PXDN: variants seen among roughly 807,000 people sequenced by gnomAD.
The protein encoded by PXDN is peroxidasin.
PXDN carries 77 observed loss-of-function variants against 140.3 expected under a neutral mutation model. The ratio of observed to expected loss-of-function variants is 0.55; its 90% confidence interval spans 0.46 to 0.66. The LOEUF (loss-of-function observed/expected upper bound fraction) is 0.66, where lower values mean the gene tolerates loss of function less well. Among genes scored for constraint, PXDN ranks in the 30% least tolerant of loss-of-function variants. The pLI, the probability that PXDN is intolerant of heterozygous loss-of-function variation, is 0.00. For missense variants in PXDN, 1,838 were observed against 2,039.5 expected (o/e 0.90, Z 1.90); for synonymous variants, 911 against 857.4 (o/e 1.06, Z -1.09).
In PXDN at chr2:1,685,934, G is replaced by C. The variant is rs545920549; in HGVS notation, c.416+1698C>G. ...TCCTGACTGGCCAGGTGTGTTTTCTGACCTGTGTCCACAGCTTCCCAAAGA... is the reference window on the plus strand; with the variant it reads ...TCCTGACTGGCCAGGTGTGTTTTCTCACCTGTGTCCACAGCTTCCCAAAGA... On this transcript the variant is annotated intron_variant, in intron 4 of 22. Coordinates refer to ENST00000252804, the MANE Select transcript of PXDN (RefSeq NM_012293.3). This position sits in a 1 kb window ranked among gnomAD's most constrained non-coding sequence, Gnocchi z 5.1. Among the ~76,000 whole-genome samples, 1 of 152,280 alleles carries C rather than the reference G, an allele frequency of 6.6e-6. No homozygotes were observed. The highest frequency in any genetic ancestry group is 1.9e-4 in the East Asian group (1 of 5,162).
At chr2:1,640,953 C>T in intron 19 of PXDN, among the ~76,000 whole-genome samples, 1 of 152,172 alleles carries the variant, frequency 6.6e-6, no homozygotes, top group East Asian at 1.9e-4. Flanking sequence ...CCGTCTCTTC[C>T]TCACACCCCA....
At chr2:1,658,164 G>A (rs749065246) in intron 14 of PXDN, among the ~76,000 whole-genome samples, 1 of 150,974 alleles carries the variant, frequency 6.6e-6, no homozygotes. Context: ...CGGCCTCTGA[G>A]GCTGCAGCTC....
chr2:1,667,445 C>A lies in PXDN; in HGVS notation c.1019-959G>T, dbSNP rs115508116. ...ATGAACTAGAAAATCTGGAAGAAAG[C>A]GGTAAATTCCTGGACATATACACCC... On this transcript the variant is annotated intron_variant, in intron 9 of 22. Transcript: ENST00000252804. 6.3e-3 allele frequency among the ~76,000 whole-genome samples: 955 copies of A among 152,132 alleles called. 6 individuals carry two copies. Among genetic ancestry groups the A allele is most frequent in the African/African-American group, 0.022 (894 of 41,506 alleles).
chr2:1,648,646 C>T lies in PXDN; in HGVS notation c.3134G>A (p.Arg1045Lys), dbSNP rs757668553. 2.7e-5 allele frequency: 43 copies of T among 1,610,238 alleles called. No homozygotes were observed. The highest frequency in any genetic ancestry group is 3.4e-5 in the Non-Finnish European group (40 of 1,178,650). ...GTAGCCGTGGTACTCTCCCAGCGTC[C>T]TCATGCCCACCTCCCCCAGGATCTT... The part of the protein sequence containing the change: ...LPKILGEVGM[R>K]TLGEYHGYDP... The change falls in exon 17 of 23, where the codon AGG becomes AAG. Residue 1045 changes from arginine (R) to lysine (K), a missense_variant. Physicochemically the swap from Arg to Lys is conservative, Grantham distance 26 (BLOSUM62 2). Coordinates refer to ENST00000252804, the MANE Select transcript of PXDN (RefSeq NM_012293.3). This position sits in a 1 kb window ranked among gnomAD's most constrained non-coding sequence, Gnocchi z 8.9.
intron 3 of PXDN, among the ~76,000 whole-genome samples, chr2:1,690,148 G>A (rs757997392): frequency 1.5e-4 from 23 of 152,292 alleles, no homozygotes; most frequent in African/African-American, 3.1e-4. Flanking sequence ...GCTGAGAAGC[G>A]GAGGCTGCAG....
intron 9 of PXDN, among the ~76,000 whole-genome samples, chr2:1,667,824 C>T (rs904908377): frequency 6.6e-6 from 1 of 152,170 alleles, no homozygotes; most frequent in African/African-American, 2.4e-5. Flanking sequence ...AATGGAAAAA[C>T]ATTCCGTGCT....
chr2:1,698,042 C>G (rs1366382855), intron 1 of PXDN, among the ~76,000 whole-genome samples: 1 of 152,134 alleles, frequency 6.6e-6, no homozygotes, highest in African/African-American at 2.4e-5. Context: ...AAGGCCAAAG[C>G]CCCAGGAGAC....
intron 17 of PXDN, among the ~76,000 whole-genome samples, chr2:1,646,530 A>C (rs967937360): frequency 1.3e-5 from 2 of 152,240 alleles, no homozygotes; most frequent in African/African-American, 4.8e-5. Context: ...CACACTTCCA[A>C]ATGCCAGTAA....
intron 17 of PXDN, among the ~76,000 whole-genome samples, chr2:1,647,284 T>C (rs1682869699): frequency 6.6e-6 from 1 of 152,100 alleles, no homozygotes; most frequent in African/African-American, 2.4e-5. Flanking sequence ...GATGTGAATA[T>C]CTAGCAAAAA....
chr2:1,684,394 T>C (rs1386312496), intron 4 of PXDN, among the ~76,000 whole-genome samples: 1 of 152,194 alleles, frequency 6.6e-6, no homozygotes, highest in African/African-American at 2.4e-5. Flanking sequence ...CTAGAGGTGC[T>C]CACTGAGGTC....
intron 14 of PXDN, among the ~76,000 whole-genome samples, chr2:1,658,099 A>T (rs1454353537): frequency 8.5e-6 from 1 of 118,330 alleles, no homozygotes; most frequent in Admixed American, 1.0e-4. Flanking sequence ...TCTCTGTTAC[A>T]GTGTCTGCGT....
chr2:1,731,293 A>ACGCAGC (rs1558530902), intron 1 of PXDN, among the ~76,000 whole-genome samples: 7 of 63,410 alleles, frequency 1.1e-4, no homozygotes, highest in East Asian at 4.0e-4. Flanking sequence ...CTTCCTGGAC[A>ACGCAGC]TGCAGCTGAC....
At chr2:1,731,499 G>A (rs889209557) in intron 1 of PXDN, among the ~76,000 whole-genome samples, 8 of 152,292 alleles carry the variant, frequency 5.3e-5, no homozygotes, top group Non-Finnish European at 7.4e-5. Flanking sequence ...TGACAGCTTC[G>A]AGGCCAGGGA....
intron 19 of PXDN, among the ~76,000 whole-genome samples, chr2:1,642,333 A>G (rs1682747480): frequency 6.6e-6 from 1 of 152,214 alleles, no homozygotes; most frequent in South Asian, 2.1e-4. Context: ...TGCAGATTTC[A>G]ACGCTTACTA....
At chr2:1,661,098 A>C in intron 13 of PXDN, 61 bp from the exon 14 acceptor site, 1 of 1,588,370 alleles carries the variant, frequency 6.3e-7, no homozygotes, top group Non-Finnish European at 8.6e-7. Context: ...AAGTTATCTG[A>C]CCTAGGGTTG....
Position 1,639,191 on chromosome 2 carries a change from T to C in PXDN, c.4073+111A>G, listed in dbSNP as rs903041842. 10 of 1,511,398 alleles carry C rather than the reference T, an allele frequency of 6.6e-6. No individual in the cohort carries two copies. Among genetic ancestry groups the C allele is most frequent in the Admixed American group, 6.0e-5 (3 of 49,854 alleles). The allele number at this position is 1,511,398 out of a possible 1,614,324, so 93.6% of individuals were successfully genotyped here. A position where few individuals can be genotyped will look rare whatever the true frequency, so the allele number is the denominator to read the frequency against. On this transcript the variant is annotated intron_variant, in intron 20 of 22. Coordinates refer to ENST00000252804, the MANE Select transcript of PXDN (RefSeq NM_012293.3). This position sits in a 1 kb window ranked among gnomAD's most constrained non-coding sequence, Gnocchi z 5.0. ...GGCCCCCAGTGCCCTGGGACGTCCC[T>C]GCCAGGAACCATCCTCGCCACAGGC...
chr2:1,654,750 G>C (rs1683091182), intron 14 of PXDN, among the ~76,000 whole-genome samples: 1 of 152,218 alleles, frequency 6.6e-6, no homozygotes, highest in Non-Finnish European at 1.5e-5. Flanking sequence ...ACAGGAAGTA[G>C]TTATAATGTG....
intron 3 of PXDN, among the ~76,000 whole-genome samples, chr2:1,691,456 A>G (rs948338324): frequency 6.6e-6 from 1 of 152,254 alleles, no homozygotes; most frequent in African/African-American, 2.4e-5. Flanking sequence ...GAAATCACTT[A>G]GCGGGAGACA....
intron 1 of PXDN, among the ~76,000 whole-genome samples, chr2:1,732,460 G>T (rs1398536861): frequency 2.0e-5 from 3 of 152,200 alleles, no homozygotes; most frequent in Non-Finnish European, 4.4e-5. Context: ...CACACACTGG[G>T]CCAGAAGTGA....
Sources: allele counts gnomAD v4.1 joint callset (sites outside exome capture counted in the v4.1 genomes callset), GRCh38; gene constraint gnomAD v4.1.1; non-coding constraint Gnocchi (gnomAD v3.1); transcripts MANE v1.5; gene names NCBI Gene and HGNC (gene_info 2026-07-23, HGNC 2026-07-21).